RBM19: variants seen among roughly 807,000 people sequenced by gnomAD.
RBM19 encodes RNA binding motif protein 19.
In RBM19, 94 loss-of-function variants were observed where a neutral mutation model predicts 116.8. The ratio of observed to expected loss-of-function variants is 0.80; its 90% CI spans 0.68 to 0.95. The LOEUF is 0.95. RBM19 is among the 40% of genes least tolerant of loss of function. The pLI is 0.00. For missense variants in RBM19, 1,161 were observed against 1,220.7 expected (o/e 0.95, Z 0.73); for synonymous variants, 475 against 494.1 (o/e 0.96, Z 0.51).
At chr12:113,902,140 C>T (rs1881739823) in intron 21 of RBM19, among the ~76,000 whole-genome samples, 1 of 152,112 alleles carries the variant, frequency 6.6e-6, no homozygotes, top group African/African-American at 2.4e-5. Context: ...TATATGCGGT[C>T]ATTTGCATGT....
chr12:113,882,303 C>A (rs1044799260), intron 21 of RBM19, among the ~76,000 whole-genome samples: 6 of 152,178 alleles, frequency 3.9e-5, no homozygotes. Flanking sequence ...TGAGAGTTGT[C>A]CCAAACCTGG....
chr12:113,822,665 C>A lies in RBM19; in HGVS notation c.*559G>T, dbSNP rs1170169239. 2.0e-5 allele frequency: 3 copies of A among 153,134 alleles called. No homozygotes were observed. Among genetic ancestry groups the A allele is most frequent in the Admixed American group, 1.3e-4 (2 of 15,328 alleles). 9.5% of individuals were successfully genotyped at this position (153,134 alleles called of 1,614,324 possible). On this transcript the variant is annotated 3_prime_UTR_variant, in exon 24 of 24. Coordinates refer to ENST00000261741, the MANE Select transcript of RBM19 (RefSeq NM_016196.4). The stretch of plus-strand genomic sequence containing the variant: ...AGCAGCCCTGGAGGGAGAGCAGGAA[C>A]AGGGCTCAGCACCATGCCCGGCACT...
At chr12:113,820,715 G>A (rs746984666), downstream of RBM19, among the ~76,000 whole-genome samples, 14 of 152,160 alleles carry the variant, frequency 9.2e-5, no homozygotes, top group Non-Finnish European at 1.9e-4. Context: ...CACTACTCCT[G>A]TGTGCTCACA....
intron 21 of RBM19, among the ~76,000 whole-genome samples, chr12:113,894,685 C>T (rs546746549): frequency 1.3e-5 from 2 of 152,304 alleles, no homozygotes; most frequent in Admixed American, 6.5e-5. Context: ...GAGGAATCTA[C>T]CTGCTTACAG....
chr12:113,874,181 T>C (rs899354619), intron 21 of RBM19, among the ~76,000 whole-genome samples: 1 of 152,232 alleles, frequency 6.6e-6, no homozygotes, highest in Non-Finnish European at 1.5e-5. Flanking sequence ...TGGTTGGTCT[T>C]CCTTGCTAAC....
At chr12:113,916,281 C>A (rs1392775166) in intron 20 of RBM19, among the ~76,000 whole-genome samples, 1 of 152,122 alleles carries the variant, frequency 6.6e-6, no homozygotes, top group East Asian at 1.9e-4. Flanking sequence ...GTGGCAGGCG[C>A]CTGTAATCCC....
chr12:113,897,462 G>C (rs1002881584), intron 21 of RBM19, among the ~76,000 whole-genome samples: 1 of 152,198 alleles, frequency 6.6e-6, no homozygotes, highest in African/African-American at 2.4e-5. Context: ...CATGGCACCC[G>C]GCCCAGAGTG....
intron 6 of RBM19, among the ~76,000 whole-genome samples, chr12:113,956,716 C>T (rs1251338434): frequency 6.6e-6 from 1 of 152,010 alleles, no homozygotes; most frequent in African/African-American, 2.4e-5. Flanking sequence ...AGGTCAGAGA[C>T]GAGTTGGCCG....
rs372502797 is a variant in RBM19, at chr12:113,966,311, C to T, written c.-84G>A. 6.4e-7 allele frequency: 1 copy of T among 1,563,880 alleles called. No homozygotes were observed. The highest frequency in any genetic ancestry group is 8.8e-7 in the Non-Finnish European group (1 of 1,135,044). ...TTCACGCTACCGCCCTGGGCGCCGC[C>T]ATCTTTACCGAGCCGGAACACAGTC... On this transcript the variant is annotated 5_prime_UTR_variant, in exon 1 of 24. It removes an upstream start codon present in the reference 5' UTR. Transcript: ENST00000261741.
At chr12:113,862,336 T>C (rs1246864587) in intron 21 of RBM19, among the ~76,000 whole-genome samples, 2 of 152,062 alleles carry the variant, frequency 1.3e-5, no homozygotes, top group Non-Finnish European at 2.9e-5. Flanking sequence ...CCGGGCTGCT[T>C]CTCCCAGCCC....
At chr12:113,906,353 G>C (rs1477340719) in intron 21 of RBM19, among the ~76,000 whole-genome samples, 1 of 152,200 alleles carries the variant, frequency 6.6e-6, no homozygotes, top group Non-Finnish European at 1.5e-5. Context: ...AAAGAAGCCA[G>C]ACACAAATGA....
chr12:113,848,902 C>G (rs1037283365), intron 22 of RBM19, among the ~76,000 whole-genome samples: 3 of 152,158 alleles, frequency 2.0e-5, no homozygotes, highest in Non-Finnish European at 4.4e-5. Context: ...CGAAGGCCTT[C>G]TTAGCATGGA....
intron 21 of RBM19, among the ~76,000 whole-genome samples, chr12:113,882,869 C>T (rs1880246041): frequency 6.6e-6 from 1 of 152,214 alleles, no homozygotes; most frequent in Non-Finnish European, 1.5e-5. Context: ...AGAGTTCAAG[C>T]CCCAGCTTTT....
Position 113,959,913 on chromosome 12 carries a change from G to A in RBM19, c.340-10C>T, listed in dbSNP as rs772719369. 8 of 1,614,174 alleles carry A rather than the reference G, an allele frequency of 5.0e-6. No homozygotes were observed. The Admixed American group carries it at 1.2e-4, about 24-fold the overall frequency. ...TTTTCTTCTTCTCATCCTGAAAACA[G>A]AAGGCACAGAGAGTGAGGGTCACAC... On this transcript the variant is annotated splice_polypyrimidine_tract_variant and intron_variant, in intron 3 of 23. Transcript: ENST00000261741.
At chr12:113,897,813 A>G (rs1395971395) in intron 21 of RBM19, among the ~76,000 whole-genome samples, 1 of 152,240 alleles carries the variant, frequency 6.6e-6, no homozygotes, top group Non-Finnish European at 1.5e-5. Context: ...CAAAGCCTCC[A>G]GCTGTAGTAG....
intron 14 of RBM19, among the ~76,000 whole-genome samples, chr12:113,940,367 G>A (rs1468042812): frequency 6.6e-6 from 1 of 151,604 alleles, no homozygotes; most frequent in Non-Finnish European, 1.5e-5. Context: ...GAGGGGGTAA[G>A]GCCTGGGACT....
intron 16 of RBM19, among the ~76,000 whole-genome samples, chr12:113,930,801 C>A (rs1869536715): frequency 1.3e-5 from 2 of 152,162 alleles, no homozygotes; most frequent in African/African-American, 4.8e-5. Context: ...GAAGAACTAA[C>A]AGTTCAAGGG....
Position 113,895,993 on chromosome 12 carries a change from T to G in RBM19, c.2558+18976A>C, listed in dbSNP as rs371973329. 1.1e-4 allele frequency among the ~76,000 whole-genome samples: 16 copies of G among 152,134 alleles called. No individual in the cohort carries two copies. The East Asian group carries it at 3.1e-3, about 29-fold the overall frequency. ...CTCTATACACATATCTATAGATATA[T>G]ATGTAGAGAGGAGAAAGGGAGAGAG... On this transcript the variant is annotated intron_variant, in intron 21 of 23. Coordinates refer to ENST00000261741, the MANE Select transcript of RBM19 (RefSeq NM_016196.4).
chr12:113,959,950 G>C (rs754117249), intron 3 of RBM19, 47 bp from the exon 4 acceptor site: 30 of 1,613,650 alleles, frequency 1.9e-5, no homozygotes, highest in Non-Finnish European at 3.4e-6. Context: ...GATGAAGAGA[G>C]CTGGGAAACA....
Sources: gnomAD v4.1 joint callset for allele counts (sites outside exome capture counted in the v4.1 genomes callset) on GRCh38, gnomAD v4.1.1 for gene constraint, MANE v1.5 for transcripts, NCBI Gene and HGNC (gene_info 2026-07-23, HGNC 2026-07-21) for gene names.